Variants in NRG1 observed in about 807,000 individuals in gnomAD.
NRG1 encodes the protein neuregulin 1.
In NRG1, 18 loss-of-function variants were observed where a neutral mutation model predicts 63.8. The observed-to-expected ratio is 0.28, with a 90% CI of 0.19 to 0.42. NRG1 has a LOEUF of 0.42. Ranked by LOEUF, NRG1 falls within the 10% of genes least tolerant of loss-of-function variation. NRG1 has a pLI of 1.00. For synonymous variants in NRG1, 302 were observed against 301.3 expected (o/e 1.00, Z -0.02); for missense variants, 762 against 814.7 (o/e 0.94, Z 0.79).
chr8:32,663,127 T>C (rs769501847), intron 5 of NRG1, among the ~76,000 whole-genome samples: 56 of 152,308 alleles, frequency 3.7e-4, no homozygotes, highest in Non-Finnish European at 7.1e-4. Context: ...ATTCCTATTT[T>C]ATGGTTTCTT....
intron 1 of NRG1, among the ~76,000 whole-genome samples, chr8:31,658,195 T>A (rs1489363862): frequency 6.6e-6 from 1 of 152,168 alleles, no homozygotes; most frequent in African/African-American, 2.4e-5. Flanking sequence ...ACAGCACTCA[T>A]CATACATTTA....
intron 1 of NRG1, among the ~76,000 whole-genome samples, chr8:32,141,176 A>T (rs1188475822): frequency 6.6e-6 from 1 of 152,140 alleles, no homozygotes; most frequent in East Asian, 1.9e-4. Context: ...CTGGTAAATG[A>T]ATAAAAGAGG....
intron 1 of NRG1, among the ~76,000 whole-genome samples, chr8:32,178,321 C>A (rs912983218): frequency 4.6e-5 from 7 of 152,078 alleles, no homozygotes; most frequent in African/African-American, 1.4e-4. Flanking sequence ...CTAAGAAAGA[C>A]CACCCTGGTC....
At chr8:32,197,979 C>T (rs572004599) in intron 1 of NRG1, among the ~76,000 whole-genome samples, 236 of 151,190 alleles carry the variant, frequency 1.6e-3, no homozygotes, top group African/African-American at 5.0e-3. Context: ...CATGCACGCG[C>T]ACACACACAC....
At chr8:32,208,053 G>A (rs948725834) in intron 1 of NRG1, among the ~76,000 whole-genome samples, 1 of 152,106 alleles carries the variant, frequency 6.6e-6, no homozygotes, top group Non-Finnish European at 1.5e-5. Context: ...GTTAATGCAC[G>A]AGAAAAGAAA....
At chr8:32,721,777 A>AATGACTCC (rs1820708871) in intron 5 of NRG1, 1 of 1,205,914 alleles carries the variant, frequency 8.3e-7, no homozygotes. Flanking sequence ...TTGGAAAACT[A>AATGACTCC]ATGACTCCAC....
chr8:32,260,618 A>C (rs1411748029), intron 1 of NRG1, among the ~76,000 whole-genome samples: 1 of 152,158 alleles, frequency 6.6e-6, no homozygotes, highest in Non-Finnish European at 1.5e-5. Flanking sequence ...TCCTTTCTCA[A>C]CAACTCTCAG....
chr8:31,856,791 G>C (rs1827925518), intron 1 of NRG1, among the ~76,000 whole-genome samples: 2 of 152,070 alleles, frequency 1.3e-5, no homozygotes, highest in South Asian at 4.2e-4. Flanking sequence ...ATGGGTTTTT[G>C]GTGTGGATGT....
At chr8:31,916,456 T>C (rs1450824473) in intron 1 of NRG1, among the ~76,000 whole-genome samples, 1 of 152,164 alleles carries the variant, frequency 6.6e-6, no homozygotes, top group African/African-American at 2.4e-5. Flanking sequence ...TATGCGGTGT[T>C]TGGTTTTTTG....
chr8:31,879,092 T>G (rs1289665117), intron 1 of NRG1, among the ~76,000 whole-genome samples: 1 of 152,112 alleles, frequency 6.6e-6, no homozygotes, highest in African/African-American at 2.4e-5. Context: ...AGATTCCACA[T>G]GTACTCAAGG....
intron 1 of NRG1, among the ~76,000 whole-genome samples, chr8:32,452,652 T>G (rs962919785): frequency 2.0e-5 from 3 of 150,702 alleles, no homozygotes; most frequent in Non-Finnish European, 4.4e-5. Flanking sequence ...AGCCATTACA[T>G]GTTTCAAAAG....
At chr8:32,074,538 C>T (rs1826206249) in intron 1 of NRG1, among the ~76,000 whole-genome samples, 1 of 152,148 alleles carries the variant, frequency 6.6e-6, no homozygotes, top group Non-Finnish European at 1.5e-5. Context: ...TCTTGAAAGC[C>T]TCTACGTCTT....
At chr8:32,100,013 C>T (rs1351366773) in intron 1 of NRG1, among the ~76,000 whole-genome samples, 1 of 151,914 alleles carries the variant, frequency 6.6e-6, no homozygotes, top group East Asian at 1.9e-4. Context: ...CTGGGGGTGA[C>T]GAGGTTGAGT....
intron 1 of NRG1, among the ~76,000 whole-genome samples, chr8:31,805,556 C>T (rs1563423251): frequency 6.6e-6 from 1 of 151,914 alleles, no homozygotes; most frequent in Non-Finnish European, 1.5e-5. Flanking sequence ...CGGCCGGGCG[C>T]GGTGGCTCAC....
intron 1 of NRG1, among the ~76,000 whole-genome samples, chr8:32,174,384 A>C (rs1167211947): frequency 1.3e-5 from 2 of 152,208 alleles, no homozygotes; most frequent in Non-Finnish European, 2.9e-5. Flanking sequence ...GAAAGCAGGA[A>C]AGATCTAAAA....
chr8:31,895,031 C>A (rs903236798), intron 1 of NRG1, among the ~76,000 whole-genome samples: 2 of 152,168 alleles, frequency 1.3e-5, no homozygotes, highest in Non-Finnish European at 2.9e-5. Context: ...ATTCTTTAAA[C>A]CATGTCTTAG....
intron 5 of NRG1, among the ~76,000 whole-genome samples, chr8:32,708,432 A>G (rs1205521017): frequency 6.6e-6 from 1 of 152,220 alleles, no homozygotes; most frequent in Non-Finnish European, 1.5e-5. Flanking sequence ...TTATTTGTAC[A>G]TGTAAACAAA....
rs143478834 is a variant in NRG1, at chr8:32,312,784, C to CCCTT, written c.38-283021_38-283018dup. Among the ~76,000 whole-genome samples the CCCTT allele has an allele frequency of 8.1e-3, 1,228 of 151,250 alleles. 13 individuals are homozygous for CCCTT. Among genetic ancestry groups the CCCTT allele is most frequent in the African/African-American group, 0.025 (1,046 of 41,188 alleles). On this transcript the variant is annotated intron_variant, in intron 1 of 10. Transcript: ENST00000519301. ...AACTTCCCTCCCTCCCTCTCTCCTTCCCTTCCTTCCTTCCTTCCTTCCTTC... is the reference window on the plus strand; with the variant it reads ...AACTTCCCTCCCTCCCTCTCTCCTTCCCTTCCTTCCTTCCTTCCTTCCTTCCTTC...
Position 32,230,502 on chromosome 8 carries a change from G to T in NRG1, c.38-365326G>T, listed in dbSNP as rs182673969. Reference sequence around the variant, plus strand: ...TGGCAAGGAAGAAATTGGAGAGTAGGAAACTCAGGGAAGTTAATCCTGAGG... The same window carrying T: ...TGGCAAGGAAGAAATTGGAGAGTAGTAAACTCAGGGAAGTTAATCCTGAGG... On this transcript the variant is annotated intron_variant, in intron 1 of 10. Coordinates refer to the NRG1 transcript ENST00000519301. 2.3e-3 allele frequency among the ~76,000 whole-genome samples: 346 copies of T among 152,236 alleles called. 2 individuals are homozygous for T. The highest frequency in any genetic ancestry group is 6.8e-3 in the Middle Eastern group (2 of 294).
Sources: allele counts gnomAD v4.1 joint callset (sites outside exome capture counted in the v4.1 genomes callset), GRCh38; gene constraint gnomAD v4.1.1; transcripts MANE v1.5; gene names NCBI Gene and HGNC (gene_info 2026-07-23, HGNC 2026-07-21).